TMEM255A: variants seen among roughly 807,000 people sequenced by gnomAD.
TMEM255A encodes transmembrane protein 255A.
In TMEM255A, 14 loss-of-function variants were observed where a neutral mutation model predicts 23.5. That is an observed-to-expected ratio of 0.60 (90% CI 0.39 to 0.93). The LOEUF (loss-of-function observed/expected upper bound fraction) is 0.93. Among genes scored for constraint, TMEM255A ranks in the 40% least tolerant of loss-of-function variants. The pLI is 0.00. For missense variants in TMEM255A, 233 were observed against 261.7 expected (o/e 0.89, Z 0.76); for synonymous variants, 104 against 100.3 (o/e 1.04, Z -0.22).
Position 120,260,985 on chromosome X carries a change from T to G in TMEM255A, c.863A>C (p.Asp288Ala), listed in dbSNP as rs371269105. ...FPSSPPSGLSDEPQSASPSPS... is the reference protein window; with the variant it reads ...FPSSPPSGLSAEPQSASPSPS... The stretch of plus-strand genomic sequence containing the variant: ...TGAGGGAGAGGCAGACTGGGGCTCA[T>G]CAGAAAGTCCAGAGGGAGGGGAGGA... The change falls in exon 9 of 9, where the codon GAT becomes GCT. Residue 288 changes from aspartate (D) to alanine (A), a missense_variant. By Grantham distance (126) the Asp-to-Ala change is moderately radical. Coordinates refer to ENST00000371369, the MANE Select transcript of TMEM255A (RefSeq NM_001104544.3). 9 of 1,194,387 alleles carry G rather than the reference T, an allele frequency of 7.5e-6. No homozygotes were observed. In the African/African-American group the frequency reaches 1.1e-4, roughly 14 times the overall value.
intron 6 of TMEM255A, among the ~76,000 whole-genome samples, chrX:120,279,492 C>A (rs782126550): frequency 1.8e-5 from 2 of 112,278 alleles, no homozygotes; most frequent in South Asian, 7.5e-4. Flanking sequence ...AAAGGACAGA[C>A]CTGTGTGTAT....
chrX:120,269,520 A>T (rs1556018273), intron 7 of TMEM255A, among the ~76,000 whole-genome samples: 1 of 111,936 alleles, frequency 8.9e-6, no homozygotes, highest in Non-Finnish European at 1.9e-5. Flanking sequence ...GCAGTCACAA[A>T]GGCAACCATG....
intron 2 of TMEM255A, 68 bp from the exon 3 acceptor site, chrX:120,294,119 C>G (rs1278993438): frequency 3.5e-6 from 3 of 851,148 alleles, no homozygotes; most frequent in African/African-American, 2.0e-5. Flanking sequence ...TCATTCCAGC[C>G]CCTTCATATG....
chrX:120,289,447 A>G (rs2057899259), intron 4 of TMEM255A, among the ~76,000 whole-genome samples: 1 of 111,754 alleles, frequency 8.9e-6, no homozygotes, highest in Non-Finnish European at 1.9e-5. Context: ...TGTCAGGAAA[A>G]TGCAAATCAA....
At chrX:120,278,031 A>G (rs1248666574) in intron 6 of TMEM255A, among the ~76,000 whole-genome samples, 1 of 111,634 alleles carries the variant, frequency 9.0e-6, no homozygotes, top group Non-Finnish European at 1.9e-5. Flanking sequence ...ATCGGATAGG[A>G]TTGGTGGCTT....
intron 2 of TMEM255A, among the ~76,000 whole-genome samples, chrX:120,300,840 G>A (rs1051934381): frequency 1.4e-4 from 15 of 108,832 alleles, no homozygotes; most frequent in African/African-American, 4.7e-4. Flanking sequence ...TCATCCTGTC[G>A]AGTAGCTGGG....
At chrX:120,254,416 TAATA>T, downstream of TMEM255A, 1 of 1,211,049 alleles carries the variant, frequency 8.3e-7, no homozygotes, top group Non-Finnish European at 1.1e-6. Flanking sequence ...GAGGAGGAAA[TAATA>T]GATGATGATG....
chrX:120,255,526 T>G (rs1287599559), downstream of TMEM255A: 2 of 720,235 alleles, frequency 2.8e-6, no homozygotes, highest in Non-Finnish European at 4.1e-6. Flanking sequence ...AACAAGTTAA[T>G]TTGATCTGCC....
intron 7 of TMEM255A, among the ~76,000 whole-genome samples, chrX:120,271,539 G>A (rs782407431): frequency 7.2e-5 from 8 of 111,727 alleles, no homozygotes; most frequent in Non-Finnish European, 1.3e-4. Flanking sequence ...AAAGATAACA[G>A]TGAAATTAAG....
At chrX:120,253,218 G>A in the TMEM255A span, among the ~76,000 whole-genome samples, 46 of 112,078 alleles carry the variant, frequency 4.1e-4, no homozygotes, top group Non-Finnish European at 2.3e-4. Flanking sequence ...CTCAACTCAG[G>A]AGCAAGCCAT....
downstream of TMEM255A, chrX:120,256,514 C>T (rs1190657599): frequency 4.1e-5 from 5 of 121,764 alleles, no homozygotes; most frequent in East Asian, 1.4e-3. Context: ...AGGTTTTTAC[C>T]CCTTCTAAAA....
At chrX:120,300,413 G>C (rs1189588383) in intron 2 of TMEM255A, among the ~76,000 whole-genome samples, 1 of 110,537 alleles carries the variant, frequency 9.0e-6, no homozygotes, top group Non-Finnish European at 1.9e-5. Flanking sequence ...TTTGAGACAG[G>C]ACCTCGATCT....
chrX:120,277,034 T>C lies in TMEM255A; in HGVS notation c.526A>G (p.Thr176Ala), dbSNP rs782670069. Residue 176 changes from threonine (T) to alanine (A), a missense_variant, in exon 7 of 9, where the codon ACT (threonine) becomes GCT (alanine). Physicochemically the swap from Thr to Ala is moderately conservative, Grantham distance 58 (BLOSUM62 0). Coordinates refer to ENST00000371369, the MANE Select transcript of TMEM255A (RefSeq NM_001104544.3). ...LYNCGNRVEI[T>A]GGYYEYIDVS... is the part of the protein sequence containing the mutation. ...TCGATGTATTCGTAGTACCCACCAG[T>C]GATCTCCACCCGGCTGGACAGGGAG... is the stretch of plus-strand genomic sequence containing the variant. 3 of 1,208,193 alleles carry C rather than the reference T, an allele frequency of 2.5e-6. No individual in the cohort carries two copies. In the South Asian group the frequency reaches 5.3e-5, roughly 21 times the overall value.
chrX:120,292,271 A>G (rs1247085045), intron 3 of TMEM255A, among the ~76,000 whole-genome samples: 8 of 112,006 alleles, frequency 7.1e-5, no homozygotes, highest in African/African-American at 2.6e-4. Context: ...TGCTACTACA[A>G]CCAAATGTGG....
intron 2 of TMEM255A, among the ~76,000 whole-genome samples, chrX:120,297,570 C>T (rs917481646): frequency 1.4e-4 from 15 of 110,862 alleles, no homozygotes; most frequent in Middle Eastern, 4.7e-3. Context: ...GCACTTGCCC[C>T]CTACTTTGGT....
chrX:120,304,432 A>G lies in TMEM255A; in HGVS notation c.118T>C (p.Ser40Pro). Residue 40 changes from serine (S) to proline (P), a missense_variant, in exon 2 of 9, where the codon TCC becomes CCC. Ser to Pro is a moderately conservative substitution (Grantham distance 74). Transcript: ENST00000371369. ...IYVTVTLLIV[S>P]VLILTVGLAA... ...AGGCCCACTGTGAGAATTAACACGG[A>G]CACAATAAGCAAAGTCACGGTGACA... 8.3e-7 allele frequency: 1 copy of G among 1,210,637 alleles called. No homozygotes were observed. The highest frequency in any genetic ancestry group is 1.1e-6 in the Non-Finnish European group (1 of 894,473).
rs782752146 is a variant in TMEM255A at position 120,278,032 on chromosome X, T to C, written c.513-985A>G. ...AGGGTGGGGTCCTAATCGGATAGGATTGGTGGCTTTATAAGAAAAGGAAGA... is the reference window on the plus strand; with the variant it reads ...AGGGTGGGGTCCTAATCGGATAGGACTGGTGGCTTTATAAGAAAAGGAAGA... On this transcript the variant is annotated intron_variant, in intron 6 of 8. Transcript: ENST00000371369. 2.1e-3 allele frequency among the ~76,000 whole-genome samples: 239 copies of C among 111,465 alleles called. 1 individual carries two copies. The highest frequency in any genetic ancestry group is 7.3e-3 in the African/African-American group (223 of 30,590).
chrX:120,302,260 A>C (rs1295259245), intron 2 of TMEM255A, among the ~76,000 whole-genome samples: 2 of 111,423 alleles, frequency 1.8e-5, no homozygotes, highest in African/African-American at 6.5e-5. Context: ...AAGATATTCC[A>C]CAGAGAAGGT....
intron 6 of TMEM255A, 97 bp from the exon 7 acceptor site, chrX:120,277,144 A>C: frequency 1.4e-6 from 1 of 736,907 alleles, no homozygotes; most frequent in Non-Finnish European, 2.0e-6. Context: ...CATACAGCTC[A>C]GTGAAAAGAC....
Sources: gnomAD v4.1 joint callset for allele counts (sites outside exome capture counted in the v4.1 genomes callset) on GRCh38, gnomAD v4.1.1 for gene constraint, MANE v1.5 for transcripts, NCBI Gene and HGNC (gene_info 2026-07-23, HGNC 2026-07-21) for gene names.